The following SOX5 variants were observed in gnomAD, a reference collection of about 807,000 sequenced individuals.
The protein encoded by SOX5 is transcription factor SOX-5.
SOX5 carries 9 observed loss-of-function variants against 92.0 expected under a neutral mutation model. The ratio of observed to expected loss-of-function variants is 0.10; its 90% CI spans 0.06 to 0.17. The LOEUF is 0.17. SOX5 is among the 10% of genes least tolerant of loss of function. The pLI, the probability that SOX5 is intolerant of heterozygous loss-of-function variation, is 1.00. For missense variants in SOX5, 642 were observed against 944.5 expected, an observed-to-expected ratio of 0.68 and a Z score of 4.20; for synonymous variants, 344 against 336.3, an observed-to-expected ratio of 1.02 and a Z score of -0.25.
intron 10 of SOX5, among the ~76,000 whole-genome samples, chr12:23,570,920 A>T (rs1948102637): frequency 2.4e-5 from 1 of 41,700 alleles, no homozygotes; most frequent in African/African-American, 8.5e-5. Flanking sequence ...CAAAAAAAAA[A>T]AAAAAAAAAA....
chr12:24,306,690 C>A (rs1948610290), intron 2 of SOX5, among the ~76,000 whole-genome samples: 1 of 152,108 alleles, frequency 6.6e-6, no homozygotes, highest in Non-Finnish European at 1.5e-5. Context: ...TCCAAGATAG[C>A]CAAAACCCAG....
intron 6 of SOX5, among the ~76,000 whole-genome samples, chr12:23,666,201 G>T (rs1165859780): frequency 6.6e-6 from 1 of 151,666 alleles, no homozygotes; most frequent in Non-Finnish European, 1.5e-5. Flanking sequence ...CTAGAATTCA[G>T]TCTCTTGAAT....
chr12:24,516,914 AG>A (rs767507538), intron 1 of SOX5, among the ~76,000 whole-genome samples: 29 of 152,210 alleles, frequency 1.9e-4, no homozygotes, highest in Non-Finnish European at 3.7e-4. Flanking sequence ...GTATCCTTAA[AG>A]CTTTATATTT....
chr12:24,371,940 A>G (rs1474964427), intron 1 of SOX5, among the ~76,000 whole-genome samples: 1 of 152,018 alleles, frequency 6.6e-6, no homozygotes, highest in Non-Finnish European at 1.5e-5. Context: ...GTGAGCCGAG[A>G]TCATGCCACT....
At chr12:23,615,305 T>C (rs1252458091) in intron 8 of SOX5, among the ~76,000 whole-genome samples, 2 of 152,184 alleles carry the variant, frequency 1.3e-5, no homozygotes, top group African/African-American at 2.4e-5. Context: ...TGTCTTATTA[T>C]TGAGTTGTAA....
At chr12:24,186,837 A>G (rs1956064809) in intron 4 of SOX5, among the ~76,000 whole-genome samples, 1 of 152,198 alleles carries the variant, frequency 6.6e-6, no homozygotes, top group Admixed American at 6.6e-5. Context: ...CAGAATTAGC[A>G]TATTTTAAAA....
intron 4 of SOX5, among the ~76,000 whole-genome samples, chr12:23,967,355 T>C (rs1271084245): frequency 1.3e-5 from 2 of 152,054 alleles, no homozygotes; most frequent in Non-Finnish European, 2.9e-5. Context: ...AAAAAGTATA[T>C]TAAATATACA....
chr12:23,706,593 A>G (rs1263287379), intron 6 of SOX5, among the ~76,000 whole-genome samples: 2 of 152,116 alleles, frequency 1.3e-5, no homozygotes, highest in African/African-American at 4.8e-5. Flanking sequence ...TATGGAATGA[A>G]AAATCATGGT....
At chr12:24,091,678 A>G (rs564777906) in intron 4 of SOX5, among the ~76,000 whole-genome samples, 1 of 152,282 alleles carries the variant, frequency 6.6e-6, no homozygotes, top group East Asian at 1.9e-4. Flanking sequence ...AACGGCAGAA[A>G]TGACTTACTA....
chr12:23,624,530 A>T (rs1298472884), intron 8 of SOX5, among the ~76,000 whole-genome samples: 1 of 152,184 alleles, frequency 6.6e-6, no homozygotes, highest in Non-Finnish European at 1.5e-5. Context: ...TGCTGGATTG[A>T]AAGACACTAA....
chr12:23,555,132 A>G (rs1944925317), intron 11 of SOX5, among the ~76,000 whole-genome samples: 1 of 152,124 alleles, frequency 6.6e-6, no homozygotes, highest in Non-Finnish European at 1.5e-5. Flanking sequence ...TAACTAAACT[A>G]TTGTTGCCAT....
At chr12:24,256,490 T>C (rs931266319) in intron 3 of SOX5, among the ~76,000 whole-genome samples, 7 of 152,192 alleles carry the variant, frequency 4.6e-5, no homozygotes, top group African/African-American at 1.7e-4. Flanking sequence ...GCCCTTCTCC[T>C]TCTAGTTGCC....
chr12:24,185,178 T>G (rs945822798), intron 4 of SOX5, among the ~76,000 whole-genome samples: 20 of 152,160 alleles, frequency 1.3e-4, no homozygotes, highest in African/African-American at 4.3e-4. Context: ...TTACCATCCT[T>G]ATTGAAAACT....
At chr12:23,973,530 A>C (rs1428031323) in intron 4 of SOX5, among the ~76,000 whole-genome samples, 1 of 152,166 alleles carries the variant, frequency 6.6e-6, no homozygotes, top group Non-Finnish European at 1.5e-5. Context: ...AATACTATAC[A>C]GCCTTTACAA....
At chr12:23,758,837 C>A (rs977115620) in intron 3 of SOX5, among the ~76,000 whole-genome samples, 1 of 151,920 alleles carries the variant, frequency 6.6e-6, no homozygotes, top group Non-Finnish European at 1.5e-5. Context: ...ATCTGTCTCT[C>A]GTGTGTGCAC....
At chr12:24,548,256 T>C (rs777534533) in intron 1 of SOX5, among the ~76,000 whole-genome samples, 5 of 152,200 alleles carry the variant, frequency 3.3e-5, no homozygotes, top group Non-Finnish European at 5.9e-5. Flanking sequence ...AGATAAGACA[T>C]GCTCACAACA....
In SOX5 at chr12:23,665,560, T is replaced by C; in HGVS notation, c.815A>G (p.Gln272Arg). ...INLLQQQIQV[Q>R]GQLPPLMIPV... ...AATCATTAATGGCGGCAGCTGACCT[T>C]GAACCTGCTGAACGTGATAGAGCGA... The change falls in exon 7 of 15, where the codon CAA becomes CGA. Residue 272 changes from glutamine (Q) to arginine (R), a missense_variant. Physicochemically the swap from Gln to Arg is conservative, Grantham distance 43. Coordinates refer to ENST00000451604, the MANE Select transcript of SOX5 (RefSeq NM_006940.6). 6.2e-7 allele frequency: 1 copy of C among 1,612,004 alleles called. No individual in the cohort carries two copies. The highest frequency in any genetic ancestry group is 8.5e-7 in the Non-Finnish European group (1 of 1,178,892).
At position 24,486,021 on chromosome 12, in the gene SOX5, T is replaced by G. The variant is rs186181702; in HGVS notation, c.-251+76308A>C. Among the ~76,000 whole-genome samples, 62 of 152,266 alleles carry G rather than the reference T, an allele frequency of 4.1e-4. 1 individual carries two copies. The East Asian group carries it at 0.011, about 27-fold the overall frequency. On this transcript the variant is annotated intron_variant, in intron 1 of 4. Coordinates refer to the SOX5 transcript ENST00000446891. ...AGGCTGGAATGCAGTGGTTCCATCA[T>G]AGTTCACTGCAGCCTCAATCTCCTA...
At chr12:23,823,902 G>T (rs1186013725) in intron 3 of SOX5, among the ~76,000 whole-genome samples, 1 of 151,922 alleles carries the variant, frequency 6.6e-6, no homozygotes, top group Non-Finnish European at 1.5e-5. Flanking sequence ...TCGTTTATTT[G>T]ATTCAGCTGT....
Sources: allele counts gnomAD v4.1 joint callset (sites outside exome capture counted in the v4.1 genomes callset), GRCh38; gene constraint gnomAD v4.1.1; transcripts MANE v1.5; gene names NCBI Gene and HGNC (gene_info 2026-07-23, HGNC 2026-07-21).